The following HS6ST3 variants were observed in gnomAD, a reference collection of about 807,000 sequenced individuals.
The protein encoded by HS6ST3 is heparan sulfate 6-O-sulfotransferase 3, also known as heparan-sulfate 6-O-sulfotransferase 3.
In HS6ST3, 12 loss-of-function variants were observed where a neutral mutation model predicts 36.7. That is an observed-to-expected ratio of 0.33 (90% confidence interval 0.21 to 0.53). The LOEUF (loss-of-function observed/expected upper bound fraction) is 0.53. Among genes scored for constraint, HS6ST3 ranks in the 20% least tolerant of loss-of-function variants. The pLI, the probability that HS6ST3 is intolerant of heterozygous loss-of-function variation, is 0.95. For synonymous variants in HS6ST3, 240 were observed against 257.5 expected, an observed-to-expected ratio of 0.93 and a Z score of 0.65; for missense variants, 584 against 640.9, an observed-to-expected ratio of 0.91 and a Z score of 0.96.
chr13:96,619,503 A>G (rs1207868340), intron 1 of HS6ST3, among the ~76,000 whole-genome samples: 3 of 152,218 alleles, frequency 2.0e-5, no homozygotes, highest in African/African-American at 7.2e-5. Context: ...ACTCACCACC[A>G]TAGTAACCAA....
chr13:96,096,707 A>G (rs925837620), intron 1 of HS6ST3, among the ~76,000 whole-genome samples: 14 of 152,334 alleles, frequency 9.2e-5, no homozygotes, highest in African/African-American at 3.1e-4. Context: ...ATGAGAAAAT[A>G]TAACACAACT....
At chr13:96,542,067 CTT>C (rs1331895990) in intron 1 of HS6ST3, among the ~76,000 whole-genome samples, 2 of 152,170 alleles carry the variant, frequency 1.3e-5, no homozygotes, top group African/African-American at 4.8e-5. Context: ...GATCTGAAAC[CTT>C]TTTGATTCAA....
Position 96,514,736 on chromosome 13 carries a change from G to A in HS6ST3, c.708-317754G>A, listed in dbSNP as rs1468505398. On this transcript the variant is annotated intron_variant, in intron 1 of 1. Transcript: ENST00000376705. ...TTTTAGCTGCCAGTCTGTGGTATTTGTTATGGCAGCTTGAGCAGACTAATC... is the reference window on the plus strand; with the variant it reads ...TTTTAGCTGCCAGTCTGTGGTATTTATTATGGCAGCTTGAGCAGACTAATC... Among the ~76,000 whole-genome samples the A allele has an allele frequency of 3.3e-5, 5 of 152,206 alleles. No homozygotes were observed. In the East Asian group the frequency reaches 9.6e-4, roughly 29 times the overall value.
intron 1 of HS6ST3, among the ~76,000 whole-genome samples, chr13:96,450,782 G>A (rs565293439): frequency 6.6e-6 from 1 of 152,330 alleles, no homozygotes; most frequent in South Asian, 2.1e-4. Flanking sequence ...GGCCAAAAGT[G>A]CAGTTGTAGC....
At chr13:96,188,612 T>A (rs2054275529) in intron 1 of HS6ST3, among the ~76,000 whole-genome samples, 1 of 152,210 alleles carries the variant, frequency 6.6e-6, no homozygotes, top group Non-Finnish European at 1.5e-5. Flanking sequence ...GGGGAATATA[T>A]AGAAAGTGCC....
chr13:96,777,554 T>C (rs184543725), intron 1 of HS6ST3, among the ~76,000 whole-genome samples: 68 of 152,280 alleles, frequency 4.5e-4, no homozygotes, highest in African/African-American at 1.5e-3. Context: ...AGCCAAATCA[T>C]GAGTGAACTC....
chr13:96,342,716 A>G (rs1177942505), intron 1 of HS6ST3, among the ~76,000 whole-genome samples: 1 of 152,146 alleles, frequency 6.6e-6, no homozygotes, highest in Non-Finnish European at 1.5e-5. Context: ...CAAATGGTTC[A>G]TTTGGTGCTT....
chr13:96,324,355 A>G (rs2055019908), intron 1 of HS6ST3, among the ~76,000 whole-genome samples: 1 of 152,170 alleles, frequency 6.6e-6, no homozygotes, highest in African/African-American at 2.4e-5. Context: ...AGCGTCCTGG[A>G]AATCAAGTGA....
intron 1 of HS6ST3, among the ~76,000 whole-genome samples, chr13:96,733,401 G>A (rs1876207705): frequency 6.6e-6 from 1 of 152,044 alleles, no homozygotes; most frequent in Admixed American, 6.6e-5. Flanking sequence ...TATAAGTTTT[G>A]TTTTTCATTG....
intron 1 of HS6ST3, among the ~76,000 whole-genome samples, chr13:96,106,662 G>A (rs1389760623): frequency 6.6e-6 from 1 of 152,226 alleles, no homozygotes; most frequent in African/African-American, 2.4e-5. Flanking sequence ...TAACCAAAAT[G>A]AAGGCAGCGT....
At chr13:96,545,069 G>A (rs1646826869) in intron 1 of HS6ST3, among the ~76,000 whole-genome samples, 1 of 152,126 alleles carries the variant, frequency 6.6e-6, no homozygotes, top group African/African-American at 2.4e-5. Flanking sequence ...ATAGAAATAT[G>A]TGAGAACATA....
chr13:96,648,724 T>G (rs1459180074), intron 1 of HS6ST3, among the ~76,000 whole-genome samples: 2 of 152,026 alleles, frequency 1.3e-5, no homozygotes, highest in African/African-American at 4.8e-5. Context: ...ATTGTTCAGC[T>G]CCCACTTATG....
At chr13:96,691,055 A>G (rs671597) in intron 1 of HS6ST3, among the ~76,000 whole-genome samples, 149,937 of 152,242 alleles carry the variant, frequency 0.98, 73,872 homozygotes, top group Middle Eastern at 1. Flanking sequence ...CAAATATTAC[A>G]TCAGAGAGTA....
At chr13:96,769,502 T>G (rs1284696387) in intron 1 of HS6ST3, among the ~76,000 whole-genome samples, 1 of 135,892 alleles carries the variant, frequency 7.4e-6, no homozygotes, top group Admixed American at 8.5e-5. Context: ...GAGAAGCTGT[T>G]AATGCAGACA....
At chr13:96,489,155 T>G (rs2055931819) in intron 1 of HS6ST3, among the ~76,000 whole-genome samples, 1 of 152,050 alleles carries the variant, frequency 6.6e-6, no homozygotes, top group African/African-American at 2.4e-5. Context: ...AAATAGCATT[T>G]CTTGCCTCTA....
chr13:96,129,334 G>A (rs954910498), intron 1 of HS6ST3, among the ~76,000 whole-genome samples: 8 of 152,236 alleles, frequency 5.3e-5, no homozygotes, highest in African/African-American at 1.9e-4. Context: ...GCCATGGGAA[G>A]TAAACATGCA....
chr13:96,286,486 T>C (rs1038782517), intron 1 of HS6ST3, among the ~76,000 whole-genome samples: 20 of 152,184 alleles, frequency 1.3e-4, no homozygotes, highest in African/African-American at 4.1e-4. Context: ...CCAGTAGCTG[T>C]AGACTATGGC....
chr13:96,545,521 A>G (rs2056194620), intron 1 of HS6ST3, among the ~76,000 whole-genome samples: 1 of 152,192 alleles, frequency 6.6e-6, no homozygotes, highest in Non-Finnish European at 1.5e-5. Context: ...TCAGTGCTCT[A>G]CTTCCAGTGG....
chr13:96,248,622 A>T (rs76244593), intron 1 of HS6ST3, among the ~76,000 whole-genome samples: 9,166 of 152,234 alleles, frequency 0.06, 347 homozygotes, highest in East Asian at 0.15. Context: ...ATTTATATAA[A>T]TCAGAAATCC....
Sources: allele counts gnomAD v4.1 joint callset (sites outside exome capture counted in the v4.1 genomes callset), GRCh38; gene constraint gnomAD v4.1.1; transcripts MANE v1.5; gene names NCBI Gene and HGNC (gene_info 2026-07-23, HGNC 2026-07-21).